ENG: variants seen among roughly 807,000 people sequenced by gnomAD.
ENG encodes CD105 antigen.
In ENG, 17 loss-of-function variants were observed where a neutral mutation model predicts 71.0. The observed-to-expected ratio is 0.24, with a 90% confidence interval of 0.16 to 0.36. The LOEUF is 0.36. ENG is among the 10% of genes least tolerant of loss of function. The pLI is 1.00. For synonymous variants in ENG, 360 were observed against 366.9 expected (o/e 0.98, Z 0.21); for missense variants, 749 against 868.3 (o/e 0.86, Z 1.73).
At chr9:127,824,512 C>CTTTTTT (rs71380096) in intron 7 of ENG, 66 bp from the exon 8 acceptor site, 103 of 685,740 alleles carry the variant, frequency 1.5e-4, no homozygotes, top group Admixed American at 7.8e-4. Context: ...CCGCACCAGG[C>CTTTTTT]TTTTTTTTTT....
intron 13 of ENG, chr9:127,816,533 G>C (rs1454741273): frequency 3.8e-6 from 1 of 262,778 alleles, no homozygotes; most frequent in Non-Finnish European, 7.5e-6. Flanking sequence ...GTGTGGCTAT[G>C]GGCCAAGCAG....
At chr9:127,819,741 G>C in intron 9 of ENG, 81 bp from the exon 10 acceptor site, 2 of 1,585,698 alleles carry the variant, frequency 1.3e-6, no homozygotes, top group Non-Finnish European at 1.7e-6. Flanking sequence ...CATTTTTGCA[G>C]ATGGGGAGAC....
chr9:127,825,787 ACG>A lies in ENG; in HGVS notation c.595_596del (p.Arg199TyrfsTer134). On this transcript the variant is annotated frameshift_variant, in exon 5 of 15. Coordinates refer to ENST00000373203, the MANE Select transcript of ENG (RefSeq NM_001114753.3). LOFTEE classifies it high-confidence loss of function. ...DMGRTLEWRPRTPALVRGCHL... is the reference protein window; with the variant it reads ...DMGRTLEWRPXTPALVRGCHL... Reference sequence around the variant, plus strand: ...GGCAGCCCCGGACCAAGGCTGGAGTACGCGGCCGCCACTCGAGCGTGCGGCCC... The same window carrying A: ...GGCAGCCCCGGACCAAGGCTGGAGTACGGCCGCCACTCGAGCGTGCGGCCC... The A allele has an allele frequency of 6.3e-7, 1 of 1,594,182 alleles. No homozygotes were observed.
At chr9:127,834,754 G>T (rs1830856122) in intron 2 of ENG, among the ~76,000 whole-genome samples, 1 of 149,980 alleles carries the variant, frequency 6.7e-6, no homozygotes. Flanking sequence ...GGCCACAATG[G>T]TCTTAATCTC....
intron 10 of ENG, 167 bp downstream of exon 10, chr9:127,819,455 C>CCTCA (rs1184890176): frequency 5.5e-5 from 47 of 847,658 alleles, no homozygotes; most frequent in Admixed American, 8.3e-5. Context: ...AGAGCGTCAC[C>CCTCA]CTCAGCAGTC....
intron 3 of ENG, among the ~76,000 whole-genome samples, chr9:127,828,282 T>C (rs1830673867): frequency 6.6e-6 from 1 of 152,162 alleles, no homozygotes; most frequent in African/African-American, 2.4e-5. Flanking sequence ...GGACACTGGC[T>C]TTACAGCTGG....
chr9:127,818,830 T>C lies in ENG; in HGVS notation c.1314A>G (p.Lys438=), dbSNP rs750412250. 4 of 1,613,950 alleles carry C rather than the reference T, an allele frequency of 2.5e-6. No homozygotes were observed. The highest frequency in any genetic ancestry group is 3.3e-4 in the Middle Eastern group (2 of 6,032). Residue 438 remains lysine, a splice_region_variant and synonymous_variant, in exon 11 of 15, where the codon AAA becomes AAG. Coordinates refer to ENST00000373203, the MANE Select transcript of ENG (RefSeq NM_001114753.3). ...NILSSSSPQR[K]KVHCLNMDSL... is the part of the protein sequence containing the mutation. Reference sequence around the variant, plus strand: ...TGTCCATGTTGAGGCAGTGCACCTTTTTCTGGGGGAGGACGGGAGGGAGAC... The same window carrying C: ...TGTCCATGTTGAGGCAGTGCACCTTCTTCTGGGGGAGGACGGGAGGGAGAC...
In ENG at chr9:127,838,957, T is replaced by A. The variant is rs971846825; in HGVS notation, c.219+4137A>T. Reference sequence around the variant, plus strand: ...GATGGACGGGAAAGCCACTTCTCTGTGCCAGAGATCGAAGAAGCCGGCCAT... The same window carrying A: ...GATGGACGGGAAAGCCACTTCTCTGAGCCAGAGATCGAAGAAGCCGGCCAT... On this transcript the variant is annotated intron_variant, in intron 2 of 14. Transcript: ENST00000373203. The surrounding 1 kb of genome is among the most constrained non-coding windows in gnomAD (Gnocchi z 4.3). Among the ~76,000 whole-genome samples the A allele has an allele frequency of 5.3e-5, 8 of 152,128 alleles. No homozygotes were observed. The highest frequency in any genetic ancestry group is 5.2e-4 in the Admixed American group (8 of 15,278).
At position 127,849,732 on chromosome 9, in the gene ENG, A is replaced by C. The variant is rs148009104; in HGVS notation, c.67+4557T>G. Among the ~76,000 whole-genome samples the C allele has an allele frequency of 5.3e-5, 8 of 152,278 alleles. No homozygotes were observed. The East Asian group carries it at 1.5e-3, about 29-fold the overall frequency. On this transcript the variant is annotated intron_variant, in intron 1 of 14. Coordinates refer to ENST00000373203, the MANE Select transcript of ENG (RefSeq NM_001114753.3). Reference sequence around the variant, plus strand: ...GCCTGCGGGGAGAAGATCAGGCAAGAGGAAGATCCCCATCCTCTCCACTGT... The same window carrying C: ...GCCTGCGGGGAGAAGATCAGGCAAGCGGAAGATCCCCATCCTCTCCACTGT...
At chr9:127,816,981 A>T in intron 13 of ENG, 168 bp downstream of exon 13, 1 of 770,276 alleles carries the variant, frequency 1.3e-6, no homozygotes, top group Non-Finnish European at 2.2e-6. Flanking sequence ...CCCCTGCTCT[A>T]GGCTGCTATG....
At chr9:127,842,132 C>T (rs1831049036) in intron 2 of ENG, among the ~76,000 whole-genome samples, 1 of 152,116 alleles carries the variant, frequency 6.6e-6, no homozygotes, top group African/African-American at 2.4e-5. Context: ...CCGGCAGCAG[C>T]CTTTGGATCT....
At chr9:127,815,864 T>C (rs1830297467) in intron 14 of ENG, 58 bp from the exon 15 acceptor site, 4 of 1,554,772 alleles carry the variant, frequency 2.6e-6, no homozygotes, top group South Asian at 1.2e-5. Flanking sequence ...GGCCCCTCAA[T>C]CCCTCAGAGG....
chr9:127,839,649 G>C (rs376923968), intron 2 of ENG, among the ~76,000 whole-genome samples: 2 of 152,090 alleles, frequency 1.3e-5, no homozygotes, highest in South Asian at 2.1e-4. Context: ...TCCACCTCCC[G>C]GGTTCAAACG....
chr9:127,848,524 T>G lies in ENG; in HGVS notation c.68-5279A>C, dbSNP rs1021491840. On this transcript the variant is annotated intron_variant, in intron 1 of 14. Coordinates refer to ENST00000373203, the MANE Select transcript of ENG (RefSeq NM_001114753.3). ...GTCTTGAATGCCTGGCCGCAAGTGA[T>G]CCTCCCACCTTAGCCTCCCAAAACG... 9.2e-5 allele frequency among the ~76,000 whole-genome samples: 14 copies of G among 152,308 alleles called. No individual in the cohort carries two copies. The South Asian group carries it at 1.4e-3, about 16-fold the overall frequency.
chr9:127,817,970 T>A (rs556219158), intron 12 of ENG, 150 bp downstream of exon 12: 80 of 1,313,022 alleles, frequency 6.1e-5, no homozygotes, highest in Non-Finnish European at 7.9e-5. Flanking sequence ...AAAGTGCTGC[T>A]GGCAGCCAGA....
In ENG at chr9:127,824,306, C is replaced by A; in HGVS notation, c.1132G>T (p.Ala378Ser). 6.2e-7 allele frequency: 1 copy of A among 1,614,064 alleles called. No homozygotes were observed. The highest frequency in any genetic ancestry group is 8.5e-7 in the Non-Finnish European group (1 of 1,179,992). ...MTLVLKKELVAHLKCTITGLT... is the reference protein window; with the variant it reads ...MTLVLKKELVSHLKCTITGLT... Reference sequence around the variant, plus strand: ...CAGAGGGGCAGGAGTTCCCTTACCGCAACAAGCTCTTTCTTTAGTACCAGG... The same window carrying A: ...CAGAGGGGCAGGAGTTCCCTTACCGAAACAAGCTCTTTCTTTAGTACCAGG... Residue 378 changes from alanine (A) to serine (S), a missense_variant and splice_region_variant, in exon 8 of 15, where the codon GCG becomes TCG. Ala to Ser is a moderately conservative substitution (Grantham distance 99). Transcript: ENST00000373203.
intron 2 of ENG, among the ~76,000 whole-genome samples, chr9:127,842,177 A>G (rs1420361827): frequency 6.6e-6 from 1 of 151,422 alleles, no homozygotes; most frequent in Non-Finnish European, 1.5e-5. Flanking sequence ...GGGACATTCC[A>G]GGGAGAAAGA....
At chr9:127,830,099 T>C (rs766585422) in intron 2 of ENG, among the ~76,000 whole-genome samples, 7 of 152,078 alleles carry the variant, frequency 4.6e-5, no homozygotes, top group Non-Finnish European at 1.0e-4. Context: ...CCCAATACTT[T>C]GGGAGGCTGA....
At position 127,829,781 on chromosome 9, in the gene ENG, C is replaced by T; in HGVS notation, c.266G>A (p.Gly89Asp). 3 of 1,614,124 alleles carry T rather than the reference C, an allele frequency of 1.9e-6. No homozygotes were observed. The highest frequency in any genetic ancestry group is 2.5e-6 in the Non-Finnish European group (3 of 1,180,032). ...CAGAAGCACCTCTCGGGGCCAGGTG[C>T]CATTTTGCTTGGATGCCTGGAGAGT... is the stretch of plus-strand genomic sequence containing the variant. ...ELTLQASKQN[G>D]TWPREVLLVL... The change falls in exon 3 of 15, where the codon GGC becomes GAC. Residue 89 changes from glycine to aspartate, a missense_variant. Coordinates refer to ENST00000373203, the MANE Select transcript of ENG (RefSeq NM_001114753.3).
Sources: gnomAD v4.1 joint callset for allele counts (sites outside exome capture counted in the v4.1 genomes callset) on GRCh38, gnomAD v4.1.1 for gene constraint, Gnocchi (gnomAD v3.1) non-coding constraint, MANE v1.5 for transcripts, NCBI Gene and HGNC (gene_info 2026-07-23, HGNC 2026-07-21) for gene names.